FRMD4A: variants seen among roughly 807,000 people sequenced by gnomAD.
FRMD4A encodes the protein FERM domain containing 4A, also known as FERM domain-containing protein 4A.
FRMD4A carries 29 observed loss-of-function variants against 129.1 expected under a neutral mutation model. That is an observed-to-expected ratio of 0.22 (90% CI 0.17 to 0.31). The LOEUF (loss-of-function observed/expected upper bound fraction) is 0.31, where lower values mean the gene tolerates loss of function less well. FRMD4A is among the 10% of genes least tolerant of loss of function. The pLI is 1.00. For synonymous variants in FRMD4A, 634 were observed against 571.6 expected (o/e 1.11, Z -1.56); for missense variants, 1,272 against 1,375.8 (o/e 0.92, Z 1.19).
intron 2 of FRMD4A, among the ~76,000 whole-genome samples, chr10:14,139,616 AT>A (rs1192325120): frequency 6.6e-6 from 1 of 151,800 alleles, no homozygotes; most frequent in Non-Finnish European, 1.5e-5. Context: ...CACTGGGCTA[AT>A]TTTTTTGTGA....
chr10:13,912,011 G>A (rs1011423136), intron 2 of FRMD4A, among the ~76,000 whole-genome samples: 2 of 152,200 alleles, frequency 1.3e-5, no homozygotes, highest in East Asian at 3.8e-4. Context: ...AACTGAATCT[G>A]ACAGCTACAG....
intron 2 of FRMD4A, among the ~76,000 whole-genome samples, chr10:14,206,844 T>C (rs1474552317): frequency 7.3e-6 from 1 of 136,442 alleles, no homozygotes; most frequent in African/African-American, 2.7e-5. Flanking sequence ...AACAAAATAT[T>C]TTTTTAATTG....
Position 13,954,136 on chromosome 10 carries a change from G to A in FRMD4A, c.46-95224C>T, listed in dbSNP as rs185073876. On this transcript the variant is annotated intron_variant, in intron 2 of 24. Transcript: ENST00000357447. ...TCCATTTAGCCTTTGCTGCTTCTCCGCAGGTTGGGTTGTGTTGGTAAAGAA... is the reference window on the plus strand; with the variant it reads ...TCCATTTAGCCTTTGCTGCTTCTCCACAGGTTGGGTTGTGTTGGTAAAGAA... Among the ~76,000 whole-genome samples the A allele has an allele frequency of 1.1e-4, 16 of 152,282 alleles. No homozygotes were observed. In the East Asian group the frequency reaches 1.5e-3, roughly 15 times the overall value.
intron 2 of FRMD4A, among the ~76,000 whole-genome samples, chr10:13,936,568 T>C (rs2095250922): frequency 6.6e-6 from 1 of 152,196 alleles, no homozygotes; most frequent in Non-Finnish European, 1.5e-5. Context: ...TCACCCCTTC[T>C]GCCATGTGAG....
chr10:14,133,082 T>C (rs1158556409), intron 2 of FRMD4A, among the ~76,000 whole-genome samples: 1 of 152,182 alleles, frequency 6.6e-6, no homozygotes, highest in Non-Finnish European at 1.5e-5. Flanking sequence ...TCAGGAATAT[T>C]TGATTCAAGA....
At chr10:14,160,374 T>G (rs1401288208) in intron 2 of FRMD4A, among the ~76,000 whole-genome samples, 1 of 152,102 alleles carries the variant, frequency 6.6e-6, no homozygotes, top group Non-Finnish European at 1.5e-5. Context: ...AGGACATTGG[T>G]CTCGGCAAAG....
chr10:13,947,449 C>T (rs1251565582), intron 2 of FRMD4A, among the ~76,000 whole-genome samples: 1 of 151,916 alleles, frequency 6.6e-6, no homozygotes, highest in East Asian at 1.9e-4. Flanking sequence ...ACTCAGTTAC[C>T]CCTCTCTGTG....
intron 2 of FRMD4A, among the ~76,000 whole-genome samples, chr10:14,185,093 T>C (rs1365726454): frequency 2.0e-5 from 3 of 152,230 alleles, no homozygotes; most frequent in Non-Finnish European, 4.4e-5. Flanking sequence ...CCCCTCCATA[T>C]GCTGATCATC....
At chr10:13,981,856 T>A (rs906895819) in intron 2 of FRMD4A, among the ~76,000 whole-genome samples, 1 of 151,426 alleles carries the variant, frequency 6.6e-6, no homozygotes, top group African/African-American at 2.4e-5. Context: ...AAGCTCCCAG[T>A]GGGGATCCAG....
chr10:14,073,129 G>C (rs1329275178), intron 2 of FRMD4A, among the ~76,000 whole-genome samples: 1 of 152,154 alleles, frequency 6.6e-6, no homozygotes, highest in Non-Finnish European at 1.5e-5. Context: ...GGAAACCCAG[G>C]GTACCTCCAT....
chr10:14,189,514 C>T (rs1312175498), intron 2 of FRMD4A, among the ~76,000 whole-genome samples: 2 of 152,022 alleles, frequency 1.3e-5, no homozygotes, highest in African/African-American at 4.8e-5. Flanking sequence ...GCGGAGGTTG[C>T]AGTGAGCTGA....
chr10:13,952,714 G>C (rs113665046), intron 2 of FRMD4A, among the ~76,000 whole-genome samples: 14 of 152,108 alleles, frequency 9.2e-5, no homozygotes, highest in African/African-American at 3.4e-4. Context: ...TATTTTTTGA[G>C]ATGGAGTCTC....
At chr10:13,852,498 C>T (rs1404553135) in intron 3 of FRMD4A, among the ~76,000 whole-genome samples, 1 of 152,126 alleles carries the variant, frequency 6.6e-6, no homozygotes, top group African/African-American at 2.4e-5. Flanking sequence ...GCTGGGATTA[C>T]AGGCATGAGC....
chr10:13,980,667 C>T (rs1445719042), intron 2 of FRMD4A, among the ~76,000 whole-genome samples: 1 of 152,192 alleles, frequency 6.6e-6, no homozygotes, highest in Non-Finnish European at 1.5e-5. Context: ...CTACAGTGAG[C>T]TATGATTGCA....
intron 15 of FRMD4A, among the ~76,000 whole-genome samples, chr10:13,681,234 A>G (rs1340919415): frequency 2.0e-5 from 3 of 152,124 alleles, no homozygotes; most frequent in African/African-American, 7.2e-5. Flanking sequence ...AGTTACTGCT[A>G]CAGCCTCTCC....
intron 2 of FRMD4A, among the ~76,000 whole-genome samples, chr10:14,125,760 C>G (rs541673440): frequency 3.3e-5 from 5 of 152,114 alleles, no homozygotes; most frequent in Non-Finnish European, 5.9e-5. Context: ...CATGCGCACG[C>G]GCACACATAC....
At chr10:14,234,891 A>T (rs1011439865) in intron 2 of FRMD4A, among the ~76,000 whole-genome samples, 10 of 152,192 alleles carry the variant, frequency 6.6e-5, no homozygotes, top group African/African-American at 2.4e-4. Flanking sequence ...CTCATGCAGG[A>T]TCCACGAATT....
chr10:13,683,419 TAA>T (rs1230005294), intron 15 of FRMD4A, among the ~76,000 whole-genome samples: 10 of 135,228 alleles, frequency 7.4e-5, no homozygotes, highest in African/African-American at 1.1e-4. Flanking sequence ...ACCCTATCTG[TAA>T]AAAAAAAAAA....
At chr10:14,119,018 C>T (rs370833824) in intron 2 of FRMD4A, among the ~76,000 whole-genome samples, 14 of 152,192 alleles carry the variant, frequency 9.2e-5, no homozygotes, top group Non-Finnish European at 1.3e-4. Flanking sequence ...AGAACCCCAA[C>T]GGCCTGAGTA....
Sources: allele counts gnomAD v4.1 joint callset (sites outside exome capture counted in the v4.1 genomes callset), GRCh38; gene constraint gnomAD v4.1.1; transcripts MANE v1.5; gene names NCBI Gene and HGNC (gene_info 2026-07-23, HGNC 2026-07-21).